The following PTDSS1 variants were observed in gnomAD, a reference collection of about 807,000 sequenced individuals.
The protein encoded by PTDSS1 is phosphatidylserine synthase 1.
PTDSS1 carries 45 observed loss-of-function variants against 70.5 expected under a neutral mutation model. The observed-to-expected ratio is 0.64, with a 90% CI of 0.50 to 0.82. The LOEUF (loss-of-function observed/expected upper bound fraction) is 0.82, where lower values mean the gene tolerates loss of function less well. Ranked by LOEUF, PTDSS1 falls within the 40% of genes least tolerant of loss-of-function variation. The pLI is 0.00. For missense variants in PTDSS1, 417 were observed against 586.1 expected (o/e 0.71, Z 2.98); for synonymous variants, 188 against 203.8 (o/e 0.92, Z 0.66).
rs113702131 is a variant in PTDSS1 at position 96,334,117 on chromosome 8, G to T, written c.*551G>T. 306 of 314,878 alleles carry T rather than the reference G, an allele frequency of 9.7e-4. No individual in the cohort carries two copies. Among genetic ancestry groups the T allele is most frequent in the African/African-American group, 6.2e-3 (289 of 46,280 alleles). The allele number at this position is 314,878 out of a possible 1,614,324, so 19.5% of individuals were successfully genotyped here. On this transcript the variant is annotated 3_prime_UTR_variant, in exon 13 of 13. Coordinates refer to ENST00000517309, the MANE Select transcript of PTDSS1 (RefSeq NM_014754.3). ...GCCGCTGCTGAAATTGATACTGGGGGAAGGGTTCCCCTTCCTTCTAGAGCA... is the reference window on the plus strand; with the variant it reads ...GCCGCTGCTGAAATTGATACTGGGGTAAGGGTTCCCCTTCCTTCTAGAGCA...
chr8:96,317,013 A>G (rs1811299249), intron 9 of PTDSS1, among the ~76,000 whole-genome samples: 1 of 143,302 alleles, frequency 7.0e-6, no homozygotes, highest in Admixed American at 7.2e-5. Flanking sequence ...ATATATATGT[A>G]TGTGTATATA....
Position 96,295,239 on chromosome 8 carries a change from A to G in PTDSS1, c.583A>G (p.Thr195Ala). 1 of 1,613,720 alleles carries G rather than the reference A, an allele frequency of 6.2e-7. No homozygotes were observed. Among genetic ancestry groups the G allele is most frequent in the Non-Finnish European group, 8.5e-7 (1 of 1,179,766 alleles). ...CGGTCTCTGCTGGACAATCAGTATT[A>G]CCTGGGAGCTGACTGAGGTAAGAAG... is the stretch of plus-strand genomic sequence containing the variant. The part of the protein sequence containing the change: ...SYGLCWTISI[T>A]WELTELFFMH... Residue 195 changes from threonine (T) to alanine (A), a missense_variant, in exon 5 of 13, where the codon ACC (threonine) becomes GCC (alanine). Thr to Ala is a moderately conservative substitution (Grantham distance 58, BLOSUM62 0). This residue lies in a region of PTDSS1 where 272 missense variants were observed against 429.5 expected (regional missense o/e 0.63). Transcript: ENST00000517309.
At position 96,262,053 on chromosome 8, in the gene PTDSS1, G is replaced by A. The variant is rs1172182497; in HGVS notation, c.13G>A (p.Val5Met). The stretch of plus-strand genomic sequence containing the variant: ...GGGGAGGCGGGCCATGGCGTCCTGC[G>A]TGGGGAGCCGGACCCTAAGCAAGGA... MASCVGSRTLSKDDV... is the reference protein window; with the variant it reads MASCMGSRTLSKDDV... Residue 5 changes from valine (V) to methionine (M), a missense_variant, in exon 1 of 13, where the codon GTG becomes ATG. Physicochemically the swap from Val to Met is conservative, Grantham distance 21 (BLOSUM62 1). Around this residue, in one of 3 missense-constraint regions of PTDSS1, gnomAD observed 38 missense variants for 34.3 expected, o/e 1.11. Transcript: ENST00000517309. This position sits in a 1 kb window ranked among gnomAD's most constrained non-coding sequence, Gnocchi z 4.4. The A allele has an allele frequency of 5.0e-6, 8 of 1,612,956 alleles. No homozygotes were observed. The highest frequency in any genetic ancestry group is 6.8e-6 in the Non-Finnish European group (8 of 1,179,404).
intron 9 of PTDSS1, among the ~76,000 whole-genome samples, chr8:96,316,597 C>T (rs1326934287): frequency 6.6e-6 from 1 of 152,102 alleles, no homozygotes; most frequent in Non-Finnish European, 1.5e-5. Context: ...AAACTACTTG[C>T]TGGGTGCTAC....
intron 2 of PTDSS1, among the ~76,000 whole-genome samples, chr8:96,274,154 T>C (rs962451631): frequency 6.6e-6 from 1 of 152,152 alleles, no homozygotes; most frequent in Non-Finnish European, 1.5e-5. Context: ...TTTTTTTTTT[T>C]TTAACACCTA....
At chr8:96,303,565 C>G (rs538045053) in intron 6 of PTDSS1, among the ~76,000 whole-genome samples, 1 of 152,316 alleles carries the variant, frequency 6.6e-6, no homozygotes, top group South Asian at 2.1e-4. Flanking sequence ...GTGCCAGCCA[C>G]TTGCTGTCTC....
At position 96,335,335 on chromosome 8, in the gene PTDSS1, T is replaced by C. The variant is rs1463932601; in HGVS notation, c.*1769T>C. ...TGTTTTGTTTCATCCTGTGTTCTGC[T>C]TTTCTAAGCATGACATACTTGTGCC... On this transcript the variant is annotated 3_prime_UTR_variant, in exon 13 of 13. Coordinates refer to ENST00000517309, the MANE Select transcript of PTDSS1 (RefSeq NM_014754.3). The C allele has an allele frequency of 6.6e-6, 1 of 152,254 alleles. No individual in the cohort carries two copies. Among genetic ancestry groups the C allele is most frequent in the Non-Finnish European group, 1.5e-5 (1 of 68,042 alleles). The allele number at this position is 152,254 out of a possible 1,614,324, so 9.4% of individuals were successfully genotyped here.
intron 5 of PTDSS1, among the ~76,000 whole-genome samples, chr8:96,297,800 C>T (rs919375936): frequency 6.6e-6 from 1 of 152,240 alleles, no homozygotes; most frequent in Non-Finnish European, 1.5e-5. Context: ...GTTAGACACT[C>T]GATAAGTGTC....
At chr8:96,276,978 G>GCA (rs1157385221) in intron 2 of PTDSS1, among the ~76,000 whole-genome samples, 12,098 of 129,554 alleles carry the variant, frequency 0.093, 514 homozygotes, top group South Asian at 0.12. Context: ...GCGCACGCGC[G>GCA]CGCACACACA....
chr8:96,293,534 C>T (rs1045552082), intron 4 of PTDSS1, among the ~76,000 whole-genome samples: 1 of 152,270 alleles, frequency 6.6e-6, no homozygotes, highest in Non-Finnish European at 1.5e-5. Flanking sequence ...CTGCATGCAG[C>T]TCTCTGGCTG....
intron 1 of PTDSS1, 120 bp from the exon 2 acceptor site, chr8:96,273,179 T>C (rs1810590329): frequency 3.1e-6 from 2 of 647,176 alleles, no homozygotes; most frequent in Non-Finnish European, 5.3e-6. Flanking sequence ...TCAGAACCTA[T>C]GTTCAATCCT....
intron 9 of PTDSS1, among the ~76,000 whole-genome samples, chr8:96,317,838 C>G (rs6992860): frequency 0.017 from 2,532 of 150,714 alleles, 66 homozygotes; most frequent in African/African-American, 0.058. Flanking sequence ...AGAAAAATAT[C>G]AGAATAAAGA....
Position 96,325,871 on chromosome 8 carries a change from T to C in PTDSS1, c.1174-4342T>C, listed in dbSNP as rs561608690. Among the ~76,000 whole-genome samples the C allele has an allele frequency of 5.9e-5, 9 of 152,268 alleles. No homozygotes were observed. The South Asian group carries it at 1.9e-3, about 32-fold the overall frequency. ...GCATCTTCATTAGTGAGAATTCACCTTTTTCAGGAAATGCCGGCTTCCTTA... is the reference window on the plus strand; with the variant it reads ...GCATCTTCATTAGTGAGAATTCACCCTTTTCAGGAAATGCCGGCTTCCTTA... On this transcript the variant is annotated intron_variant, in intron 10 of 12. Coordinates refer to ENST00000517309, the MANE Select transcript of PTDSS1 (RefSeq NM_014754.3).
chr8:96,303,690 T>C (rs1439248249), intron 6 of PTDSS1, among the ~76,000 whole-genome samples: 1 of 152,196 alleles, frequency 6.6e-6, no homozygotes, highest in Non-Finnish European at 1.5e-5. Flanking sequence ...TAAATATCAC[T>C]GTTCATCAAC....
chr8:96,334,009 A>C lies in PTDSS1; in HGVS notation c.*443A>C, dbSNP rs544003367. The C allele has an allele frequency of 1.1e-5, 5 of 441,138 alleles. No homozygotes were observed. The highest frequency in any genetic ancestry group is 6.0e-5 in the South Asian group (1 of 16,542). The allele number at this position is 441,138 out of a possible 1,614,324, so 27.3% of individuals were successfully genotyped here. A position where few individuals can be genotyped will look rare whatever the true frequency, so the allele number is the denominator to read the frequency against. On this transcript the variant is annotated 3_prime_UTR_variant, in exon 13 of 13. Transcript: ENST00000517309. ...ATCTACCTTTCCATTGATTGATTTA[A>C]GTTCAGGCCACTTTTCTGTCTTTTA...
At chr8:96,313,894 C>T (rs903957186) in intron 9 of PTDSS1, among the ~76,000 whole-genome samples, 2 of 152,220 alleles carry the variant, frequency 1.3e-5, no homozygotes, top group African/African-American at 4.8e-5. Flanking sequence ...CTTTCCTCTG[C>T]AATATCTGTC....
chr8:96,334,105 T>A lies in PTDSS1; in HGVS notation c.*539T>A. 1 of 333,296 alleles carries A rather than the reference T, an allele frequency of 3.0e-6. No homozygotes were observed. Among genetic ancestry groups the A allele is most frequent in the South Asian group, 7.6e-5 (1 of 13,082 alleles). The allele number at this position is 333,296 out of a possible 1,614,324, so 20.6% of individuals were successfully genotyped here. On this transcript the variant is annotated 3_prime_UTR_variant, in exon 13 of 13. Coordinates refer to ENST00000517309, the MANE Select transcript of PTDSS1 (RefSeq NM_014754.3). ...CAGCCTTTAGAAGCCGCTGCTGAAATTGATACTGGGGGAAGGGTTCCCCTT... is the reference window on the plus strand; with the variant it reads ...CAGCCTTTAGAAGCCGCTGCTGAAAATGATACTGGGGGAAGGGTTCCCCTT...
Position 96,331,297 on chromosome 8 carries a change from G to A in PTDSS1, c.1312+202G>A, listed in dbSNP as rs144741704. Among the ~76,000 whole-genome samples, 395 of 152,234 alleles carry A rather than the reference G, an allele frequency of 2.6e-3. 1 individual carries two copies. The highest frequency in any genetic ancestry group is 9.2e-3 in the African/African-American group (381 of 41,538). ...AATCCTAACACTTTGGGAGGCTGAGGTGGGCAGATCACTTGAGATCAGGAG... is the reference window on the plus strand; with the variant it reads ...AATCCTAACACTTTGGGAGGCTGAGATGGGCAGATCACTTGAGATCAGGAG... On this transcript the variant is annotated intron_variant, in intron 12 of 12. Coordinates refer to ENST00000517309, the MANE Select transcript of PTDSS1 (RefSeq NM_014754.3).
chr8:96,288,169 A>AGC (rs1810849985), intron 4 of PTDSS1, among the ~76,000 whole-genome samples: 1 of 152,086 alleles, frequency 6.6e-6, no homozygotes, highest in South Asian at 2.1e-4. Flanking sequence ...GGCCAGATGG[A>AGC]GAGGTACCTA....
Sources: gnomAD v4.1 joint callset for allele counts (sites outside exome capture counted in the v4.1 genomes callset) on GRCh38, gnomAD v4.1.1 for gene constraint, gnomAD v4.1.1 regional missense constraint, Gnocchi (gnomAD v3.1) non-coding constraint, MANE v1.5 for transcripts, NCBI Gene and HGNC (gene_info 2026-07-23, HGNC 2026-07-21) for gene names.